Variants in TTC28 observed in about 807,000 individuals in gnomAD.
TTC28 encodes tetratricopeptide repeat domain 28, also known as tetratricopeptide repeat protein 28.
A neutral mutation model predicts 198.0 loss-of-function variants in TTC28; 61 were observed. The observed-to-expected ratio is 0.31, with a 90% CI of 0.25 to 0.38. The LOEUF (loss-of-function observed/expected upper bound fraction) is 0.38. Among genes scored for constraint, TTC28 ranks in the 10% least tolerant of loss-of-function variants. TTC28 has a pLI of 1.00. For missense variants in TTC28, 2,678 were observed against 3,164.0 expected (o/e 0.85, Z 3.69); for synonymous variants, 1,171 against 1,297.8 (o/e 0.90, Z 2.10).
At position 28,512,178 on chromosome 22, in the gene TTC28, C is replaced by A. The variant is rs189757328; in HGVS notation, c.381+117374G>T. Among the ~76,000 whole-genome samples, 282 of 151,484 alleles carry A rather than the reference C, an allele frequency of 1.9e-3. 1 individual carries two copies. The highest frequency in any genetic ancestry group is 5.3e-3 in the African/African-American group (221 of 41,348). Reference sequence around the variant, plus strand: ...CAAAAGAAGACATACATGAGGCCAACGAACATATGAAAAAAAGCTCAACAT... The same window carrying A: ...CAAAAGAAGACATACATGAGGCCAAAGAACATATGAAAAAAAGCTCAACAT... On this transcript the variant is annotated intron_variant, in intron 2 of 22. Transcript: ENST00000397906.
intron 12 of TTC28, among the ~76,000 whole-genome samples, chr22:28,059,580 G>A (rs201374819): frequency 2.0e-5 from 3 of 151,708 alleles, no homozygotes; most frequent in African/African-American, 7.2e-5. Flanking sequence ...TTACTGGCTT[G>A]TATTTTTTCT....
chr22:28,147,566 G>C (rs1384666112), intron 6 of TTC28, among the ~76,000 whole-genome samples: 1 of 152,148 alleles, frequency 6.6e-6, no homozygotes, highest in Non-Finnish European at 1.5e-5. Context: ...TAACATAAAA[G>C]AGCACTGACT....
chr22:28,421,024 G>A (rs578198731), intron 2 of TTC28, among the ~76,000 whole-genome samples: 2 of 152,074 alleles, frequency 1.3e-5, no homozygotes, highest in Non-Finnish European at 2.9e-5. Flanking sequence ...ATAATTATGA[G>A]TGATCTAATA....
chr22:28,107,551 C>T lies in TTC28; in HGVS notation c.2294G>A (p.Arg765Gln), dbSNP rs1425521859. Residue 765 changes from arginine (R) to glutamine (Q), a missense_variant, in exon 7 of 23, where the codon CGA (arginine) becomes CAA (glutamine). Coordinates refer to ENST00000397906, the MANE Select transcript of TTC28 (RefSeq NM_001145418.2). ...GGCCTTGTCATACTTCTGGATCATT[C>T]GGTATGCAGTGCCCAGGGCTGCATA... is the stretch of plus-strand genomic sequence containing the variant. ...SAYAALGTAY[R>Q]MIQKYDKALG... is the part of the protein sequence containing the mutation. 22 of 1,551,832 alleles carry T rather than the reference C, an allele frequency of 1.4e-5. No homozygotes were observed. The highest frequency in any genetic ancestry group is 5.9e-5 in the Admixed American group (3 of 51,014).
chr22:28,272,014 G>A (rs1000255616), intron 5 of TTC28, among the ~76,000 whole-genome samples: 1 of 152,080 alleles, frequency 6.6e-6, no homozygotes, highest in African/African-American at 2.4e-5. Flanking sequence ...GGCCTTCCCA[G>A]TCACTTGTAA....
intron 16 of TTC28, among the ~76,000 whole-genome samples, chr22:27,997,230 A>G (rs1937568571): frequency 6.6e-6 from 1 of 152,254 alleles, no homozygotes; most frequent in Non-Finnish European, 1.5e-5. Context: ...GCCTGGCAGA[A>G]CCAAGGGACG....
At chr22:28,414,996 T>C (rs1332205603) in intron 2 of TTC28, among the ~76,000 whole-genome samples, 2 of 152,214 alleles carry the variant, frequency 1.3e-5, no homozygotes, top group Non-Finnish European at 2.9e-5. Context: ...AAAAAACCAA[T>C]GATCTAACAC....
At chr22:28,340,718 A>G (rs2045815384) in intron 2 of TTC28, among the ~76,000 whole-genome samples, 1 of 152,206 alleles carries the variant, frequency 6.6e-6, no homozygotes, top group African/African-American at 2.4e-5. Flanking sequence ...CTAATTACCA[A>G]GAACCTAATC....
chr22:28,448,541 C>T (rs1422122692), intron 2 of TTC28, among the ~76,000 whole-genome samples: 2 of 151,816 alleles, frequency 1.3e-5, no homozygotes, highest in African/African-American at 4.8e-5. Context: ...TCCTACAGAC[C>T]TCTAAATTGT....
chr22:28,197,366 T>G (rs1925472492), intron 5 of TTC28, among the ~76,000 whole-genome samples: 1 of 151,952 alleles, frequency 6.6e-6, no homozygotes, highest in Non-Finnish European at 1.5e-5. Flanking sequence ...ACATGGCACA[T>G]GTATACATAT....
chr22:28,176,214 T>C (rs1923153591), intron 5 of TTC28, among the ~76,000 whole-genome samples: 1 of 152,156 alleles, frequency 6.6e-6, no homozygotes, highest in Non-Finnish European at 1.5e-5. Flanking sequence ...ACATATACAA[T>C]GAAATATGAT....
intron 5 of TTC28, among the ~76,000 whole-genome samples, chr22:28,193,443 C>A (rs971967764): frequency 2.0e-5 from 3 of 152,054 alleles, no homozygotes; most frequent in Admixed American, 6.6e-5. Context: ...ACAATATTAA[C>A]CTTAAATGTA....
At chr22:28,244,655 C>T (rs536995892) in intron 5 of TTC28, among the ~76,000 whole-genome samples, 4 of 152,324 alleles carry the variant, frequency 2.6e-5, no homozygotes, top group Admixed American at 6.5e-5. Context: ...GAGTACTAAA[C>T]GGCTGCTCTG....
chr22:28,099,440 C>T (rs538423909), intron 9 of TTC28, among the ~76,000 whole-genome samples: 1 of 152,320 alleles, frequency 6.6e-6, no homozygotes, highest in East Asian at 1.9e-4. Flanking sequence ...GTCTCACTAG[C>T]GCCCAGAGTG....
intron 5 of TTC28, among the ~76,000 whole-genome samples, chr22:28,192,993 T>A (rs1387557262): frequency 6.6e-6 from 1 of 152,078 alleles, no homozygotes; most frequent in African/African-American, 2.4e-5. Flanking sequence ...TATTGTCAGA[T>A]TTACCAAAGT....
intron 5 of TTC28, among the ~76,000 whole-genome samples, chr22:28,291,994 C>T (rs1344129620): frequency 6.6e-6 from 1 of 151,558 alleles, no homozygotes; most frequent in Non-Finnish European, 1.5e-5. Context: ...ACTAAAAGAG[C>T]ATACCAAAAA....
rs2046685836 is a variant in TTC28, at chr22:28,389,890, G to C, written c.382-83247C>G. Among the ~76,000 whole-genome samples the C allele has an allele frequency of 3.3e-5, 5 of 151,892 alleles. No homozygotes were observed. In the South Asian group the frequency reaches 1.0e-3, roughly 32 times the overall value. ...TATTTCTTGCCTTCTGCTAGCTTTT[G>C]AATGTGTTTGCTCTTGCTTCTCTAG... On this transcript the variant is annotated intron_variant, in intron 2 of 22. Transcript: ENST00000397906.
chr22:28,432,054 G>C (rs1569321569), intron 2 of TTC28, among the ~76,000 whole-genome samples: 1 of 152,034 alleles, frequency 6.6e-6, no homozygotes, highest in Non-Finnish European at 1.5e-5. Context: ...GGGAGGCCGA[G>C]GTGGGCGGAT....
At chr22:28,535,326 C>T (rs571670991) in intron 2 of TTC28, among the ~76,000 whole-genome samples, 1 of 152,154 alleles carries the variant, frequency 6.6e-6, no homozygotes, top group African/African-American at 2.4e-5. Flanking sequence ...GACAACACCA[C>T]AGAGGCCTAC....
Sources: gnomAD v4.1 joint callset for allele counts (sites outside exome capture counted in the v4.1 genomes callset) on GRCh38, gnomAD v4.1.1 for gene constraint, MANE v1.5 for transcripts, NCBI Gene and HGNC (gene_info 2026-07-23, HGNC 2026-07-21) for gene names.